The following CLSPN variants were observed in gnomAD, a reference collection of about 807,000 sequenced individuals.
CLSPN encodes the protein claspin homolog.
A neutral mutation model predicts 156.3 loss-of-function variants in CLSPN; 85 were observed. The ratio of observed to expected loss-of-function variants is 0.54; its 90% CI spans 0.46 to 0.65. The LOEUF is 0.65. Ranked by LOEUF, CLSPN falls within the 30% of genes least tolerant of loss-of-function variation. CLSPN has a pLI of 0.00. For missense variants in CLSPN, 1,407 were observed against 1,554.9 expected (o/e 0.90, Z 1.60); for synonymous variants, 534 against 542.4 (o/e 0.98, Z 0.22).
rs1255817549 is a variant in CLSPN at position 35,736,781 on chromosome 1, T to C, written c.3909+133A>G. 2.0e-5 allele frequency: 26 copies of C among 1,318,556 alleles called. No individual in the cohort carries two copies. The East Asian group carries it at 6.1e-4, about 31-fold the overall frequency. The allele number at this position is 1,318,556 out of a possible 1,614,324, so 81.7% of individuals were successfully genotyped here. On this transcript the variant is annotated intron_variant, in intron 24 of 24. Transcript: ENST00000318121. ...ATTACCGACTGGGGTAGCAATTCTC[T>C]TGTACCTTATCGGGGAGTGCAAGAT...
chr1:35,730,486 A>G (rs1361425659), downstream of CLSPN, among the ~76,000 whole-genome samples: 1 of 137,924 alleles, frequency 7.3e-6, no homozygotes, highest in Non-Finnish European at 1.6e-5. Context: ...AGGAGAATTG[A>G]TTGCCCGGGA....
rs367728453 is a variant in CLSPN at position 35,738,100 on chromosome 1, GAAAAAAAA to G, written c.3559-11_3559-4del. 5.6e-6 allele frequency: 2 copies of G among 355,764 alleles called. No individual in the cohort carries two copies. The highest frequency in any genetic ancestry group is 8.5e-5 in the East Asian group (2 of 23,640). 22.0% of individuals were successfully genotyped at this position (355,764 alleles called of 1,614,324 possible). ...GCTGTAATTTTCCCCTGCTGTGCCTGAAAAAAAAAAAAAATATATATATATATATATAT... is the reference window on the plus strand; with the variant it reads ...GCTGTAATTTTCCCCTGCTGTGCCTGAAAAAATATATATATATATATATAT... On this transcript the variant is annotated splice_region_variant and splice_polypyrimidine_tract_variant and intron_variant, in intron 21 of 24. Transcript: ENST00000318121.
chr1:35,725,965 T>C (rs1294853887), intron 24 of CLSPN, among the ~76,000 whole-genome samples: 1 of 151,940 alleles, frequency 6.6e-6, no homozygotes, highest in East Asian at 1.9e-4. Context: ...CTCCCACTTG[T>C]AATGTTTTGC....
At chr1:35,764,738 A>T in intron 2 of CLSPN, 24 bp from the exon 3 acceptor site, 1 of 1,471,728 alleles carries the variant, frequency 6.8e-7, no homozygotes, top group Non-Finnish European at 9.1e-7. Context: ...TTTTCTTTTA[A>T]TTATACCATC....
At chr1:35,737,444 C>T (rs759421276) in intron 22 of CLSPN, 23 bp from the exon 23 acceptor site, 12 of 1,576,540 alleles carry the variant, frequency 7.6e-6, no homozygotes, top group Non-Finnish European at 1.0e-5. Context: ...GACAGAGAGG[C>T]CTATTCTGGG....
rs754429153 is a variant in CLSPN at position 35,763,202 on chromosome 1, T to C, written c.702A>G (p.Glu234=). 9.3e-6 allele frequency: 15 copies of C among 1,604,980 alleles called. No individual in the cohort carries two copies. Among genetic ancestry groups the C allele is most frequent in the East Asian group, 9.0e-5 (4 of 44,338 alleles). Residue 234 remains glutamate (E), a synonymous_variant, in exon 4 of 25, where the codon GAA becomes GAG. Coordinates refer to ENST00000318121, the MANE Select transcript of CLSPN (RefSeq NM_022111.4). The part of the protein sequence containing the change: ...NSPLEDEESL[E]SIRAAVKNKV... ...TGTTTTTTACAGCTGCTCTTATTGA[T>C]TCTAATGACTCTTCATCTTCCAATG... is the stretch of plus-strand genomic sequence containing the variant.
rs1169972738 is a variant in CLSPN, at chr1:35,769,880, C to T, written c.-10G>A. 8 of 1,609,566 alleles carry T rather than the reference C, an allele frequency of 5.0e-6. No individual in the cohort carries two copies. Among genetic ancestry groups the T allele is most frequent in the Non-Finnish European group, 6.8e-6 (8 of 1,177,970 alleles). ...CCACCTCGCCTGTCATGACTTCTGC[C>T]TCCCCTGCGCTCCACTAGGGACGGA... On this transcript the variant is annotated 5_prime_UTR_variant, in exon 1 of 25. Transcript: ENST00000318121.
In CLSPN at chr1:35,736,413, T is replaced by C; in HGVS notation, c.*83A>G. On this transcript the variant is annotated 3_prime_UTR_variant, in exon 25 of 25. Transcript: ENST00000318121. ...TTGATTATGAAAGAAGGAAGGATCATTGGCTGGAGTGTCAATTCCAACTTT... is the reference window on the plus strand; with the variant it reads ...TTGATTATGAAAGAAGGAAGGATCACTGGCTGGAGTGTCAATTCCAACTTT... 1.4e-6 allele frequency: 2 copies of C among 1,477,346 alleles called. No homozygotes were observed. The highest frequency in any genetic ancestry group is 1.8e-6 in the Non-Finnish European group (2 of 1,116,276). The allele number at this position is 1,477,346 out of a possible 1,614,324, so 91.5% of individuals were successfully genotyped here.
chr1:35,769,571 T>A (rs1642793923), intron 1 of CLSPN, among the ~76,000 whole-genome samples: 1 of 152,252 alleles, frequency 6.6e-6, no homozygotes, highest in Admixed American at 6.5e-5. Flanking sequence ...AGGAACCGGC[T>A]GAAGAGGGGC....
intron 1 of CLSPN, among the ~76,000 whole-genome samples, chr1:35,768,547 G>GAGT (rs879883863): frequency 2.6e-5 from 4 of 151,790 alleles, no homozygotes; most frequent in Non-Finnish European, 5.9e-5. Flanking sequence ...AGCTGGGACC[G>GAGT]AGTAGCTGGG....
rs189925066 is a variant in CLSPN at position 35,735,987 on chromosome 1, G to A, written c.*509C>T. On this transcript the variant is annotated 3_prime_UTR_variant, in exon 25 of 25. Transcript: ENST00000318121. Reference sequence around the variant, plus strand: ...GTGACCAGCACTTTGTGGGGCCGAGGTGGATGGATCATTTGAGGTCAGGAG... The same window carrying A: ...GTGACCAGCACTTTGTGGGGCCGAGATGGATGGATCATTTGAGGTCAGGAG... 17 of 949,982 alleles carry A rather than the reference G, an allele frequency of 1.8e-5. No homozygotes were observed. In the East Asian group the frequency reaches 1.6e-3, roughly 91 times the overall value. 58.8% of individuals were successfully genotyped at this position (949,982 alleles called of 1,614,324 possible).
At position 35,736,460 on chromosome 1, in the gene CLSPN, G is replaced by A. The variant is rs371300587; in HGVS notation, c.*36C>T. On this transcript the variant is annotated 3_prime_UTR_variant, in exon 25 of 25. Transcript: ENST00000318121. ...CTTTCAGTGCTAGAAACTTCTCAAA[G>A]CAGTCTCAATGTAGATTTTGGCACC... 8.4e-6 allele frequency: 13 copies of A among 1,543,844 alleles called. No individual in the cohort carries two copies. The highest frequency in any genetic ancestry group is 4.2e-5 in the African/African-American group (3 of 72,104).
chr1:35,737,374 G>T lies in CLSPN; in HGVS notation c.3712C>A (p.Pro1238Thr). 6.2e-7 allele frequency: 1 copy of T among 1,614,026 alleles called. No homozygotes were observed. Among genetic ancestry groups the T allele is most frequent in the South Asian group, 1.1e-5 (1 of 91,062 alleles). Residue 1238 changes from proline to threonine, a missense_variant, in exon 23 of 25, where the codon CCT becomes ACT. Pro to Thr is a conservative substitution (Grantham distance 38). Transcript: ENST00000318121. Reference sequence around the variant, plus strand: ...CTTCCTGGTCTGATGGCTTCAAAAGGATTTCTGAGCAAAGACTTTGATTCC... The same window carrying T: ...CTTCCTGGTCTGATGGCTTCAAAAGTATTTCTGAGCAAAGACTTTGATTCC... ...IQESKSLLRN[P>T]FEAIRPGSAQ... is the part of the protein sequence containing the mutation.
At chr1:35,726,320 T>C (rs1641189842) in intron 24 of CLSPN, among the ~76,000 whole-genome samples, 2 of 152,276 alleles carry the variant, frequency 1.3e-5, no homozygotes, top group African/African-American at 2.4e-5. Context: ...TGCTTGCTGC[T>C]GTCACTCCTC....
chr1:35,748,638 T>C (rs755611416), intron 12 of CLSPN, 34 bp from the exon 13 acceptor site: 35 of 1,560,736 alleles, frequency 2.2e-5, no homozygotes, highest in Non-Finnish European at 2.9e-5. Flanking sequence ...AAGCACATGA[T>C]TACAGAAATA....
chr1:35,764,725 C>A lies in CLSPN; in HGVS notation c.134-11G>T. 6.5e-7 allele frequency: 1 copy of A among 1,534,438 alleles called. No homozygotes were observed. ...TCTCTTCATCTGAATCTGGAGGAAA[C>A]AATTTTCTTTTAATTATACCATCAT... On this transcript the variant is annotated splice_polypyrimidine_tract_variant and intron_variant, in intron 2 of 24. Transcript: ENST00000318121.
chr1:35,733,593 T>G lies in CLSPN; in HGVS notation c.*2903A>C. ...GGGCTACTTTGCCTTGGGAACTGTT[T>G]AGAGAGTTCAAAGAAAGAGGCAAAA... is the stretch of plus-strand genomic sequence containing the variant. On this transcript the variant is annotated 3_prime_UTR_variant, in exon 25 of 25. Coordinates refer to ENST00000318121, the MANE Select transcript of CLSPN (RefSeq NM_022111.4). 1.0e-6 allele frequency: 1 copy of G among 985,338 alleles called. No individual in the cohort carries two copies. The highest frequency in any genetic ancestry group is 1.2e-6 in the Non-Finnish European group (1 of 829,922). 61.0% of individuals were successfully genotyped at this position (985,338 alleles called of 1,614,324 possible). A position where few individuals can be genotyped will look rare whatever the true frequency, so the allele number is the denominator to read the frequency against.
chr1:35,760,426 G>C lies in CLSPN; in HGVS notation c.1495C>G (p.Gln499Glu), dbSNP rs1642432959. ...VRRFTLDRLK[Q>E]LGVDVSIKPR... Reference sequence around the variant, plus strand: ...TTAATGGAAACATCTACTCCCAGTTGCTTAAGTCTATCCAGAGTAAACCGT... The same window carrying C: ...TTAATGGAAACATCTACTCCCAGTTCCTTAAGTCTATCCAGAGTAAACCGT... Residue 499 changes from glutamine to glutamate, a missense_variant, in exon 8 of 25, where the codon CAA becomes GAA. This residue lies in a region of CLSPN where 1,096 missense variants were observed against 1,193.0 expected (regional missense o/e 0.92). Coordinates refer to ENST00000318121, the MANE Select transcript of CLSPN (RefSeq NM_022111.4). 1 of 1,614,040 alleles carries C rather than the reference G, an allele frequency of 6.2e-7. No homozygotes were observed. Among genetic ancestry groups the C allele is most frequent in the Non-Finnish European group, 8.5e-7 (1 of 1,180,032 alleles).
chr1:35,730,870 AAAG>A (rs1239277370), downstream of CLSPN, among the ~76,000 whole-genome samples: 3 of 152,030 alleles, frequency 2.0e-5, no homozygotes, highest in African/African-American at 7.2e-5. Context: ...TCTCAAAAAA[AAAG>A]AATAGGAAAC....
Sources: gnomAD v4.1 joint callset for allele counts (sites outside exome capture counted in the v4.1 genomes callset) on GRCh38, gnomAD v4.1.1 for gene constraint, gnomAD v4.1.1 regional missense constraint, MANE v1.5 for transcripts, NCBI Gene and HGNC (gene_info 2026-07-23, HGNC 2026-07-21) for gene names.